NRG3: variants seen among roughly 807,000 people sequenced by gnomAD.
The protein encoded by NRG3 is neuregulin 3.
A neutral mutation model predicts 66.9 loss-of-function variants in NRG3; 31 were observed. That is an observed-to-expected ratio of 0.46 (90% CI 0.35 to 0.63). The LOEUF (loss-of-function observed/expected upper bound fraction) is 0.63. Ranked by LOEUF, NRG3 falls within the 20% of genes least tolerant of loss-of-function variation. The pLI is 0.00. For missense variants in NRG3, 910 were observed against 878.9 expected, an observed-to-expected ratio of 1.04 and a Z score of -0.45; for synonymous variants, 393 against 359.4, an observed-to-expected ratio of 1.09 and a Z score of -1.06.
At chr10:82,013,738 T>C (rs1330791331) in intron 1 of NRG3, among the ~76,000 whole-genome samples, 1 of 152,136 alleles carries the variant, frequency 6.6e-6, no homozygotes, top group Admixed American at 6.6e-5. Flanking sequence ...TCTAATTTTC[T>C]CACTCTGCTA....
chr10:82,418,442 A>C (rs1006884898), intron 2 of NRG3, among the ~76,000 whole-genome samples: 1 of 152,186 alleles, frequency 6.6e-6, no homozygotes, highest in Non-Finnish European at 1.5e-5. Context: ...ATGCAAATTA[A>C]CCAGTTTATG....
At chr10:82,977,540 T>A (rs1852408673) in intron 7 of NRG3, among the ~76,000 whole-genome samples, 1 of 141,806 alleles carries the variant, frequency 7.1e-6, no homozygotes, top group Non-Finnish European at 1.5e-5. Flanking sequence ...ACCTGGGAGG[T>A]AGAGGTTGCA....
At chr10:82,303,639 G>T (rs1448368752) in intron 1 of NRG3, among the ~76,000 whole-genome samples, 1 of 152,180 alleles carries the variant, frequency 6.6e-6, no homozygotes, top group African/African-American at 2.4e-5. Context: ...GGAGGCCGAG[G>T]TGGGTGGATC....
intron 1 of NRG3, among the ~76,000 whole-genome samples, chr10:82,218,870 G>C (rs2075808676): frequency 6.6e-6 from 1 of 152,116 alleles, no homozygotes; most frequent in Admixed American, 6.6e-5. Context: ...GTTAGACGAA[G>C]GATAGATGAG....
intron 2 of NRG3, among the ~76,000 whole-genome samples, chr10:82,364,471 A>G (rs1271821341): frequency 2.0e-5 from 3 of 152,188 alleles, no homozygotes; most frequent in South Asian, 2.1e-4. Context: ...AGAATATTCT[A>G]TGATCTTTTC....
At chr10:82,547,555 A>G (rs904219559) in intron 2 of NRG3, among the ~76,000 whole-genome samples, 26 of 151,666 alleles carry the variant, frequency 1.7e-4, no homozygotes, top group African/African-American at 5.3e-4. Flanking sequence ...ATACATGCAT[A>G]TATGTATATA....
intron 2 of NRG3, among the ~76,000 whole-genome samples, chr10:82,366,989 AG>A (rs2135699625): frequency 6.6e-6 from 1 of 152,356 alleles, no homozygotes; most frequent in South Asian, 2.1e-4. Context: ...ATGGAACCCA[AG>A]ATAAGCAAGG....
intron 3 of NRG3, among the ~76,000 whole-genome samples, chr10:82,760,296 T>C (rs1293660950): frequency 6.6e-6 from 1 of 152,044 alleles, no homozygotes. Context: ...GAATAACTCA[T>C]GATGCTAGTG....
At position 82,091,076 on chromosome 10, in the gene NRG3, T is replaced by A. The variant is rs2065998271; in HGVS notation, c.823+214913T>A. Among the ~76,000 whole-genome samples, 3 of 152,154 alleles carry A rather than the reference T, an allele frequency of 2.0e-5. No individual in the cohort carries two copies. In the South Asian group the frequency reaches 6.2e-4, roughly 32 times the overall value. ...TAAGACTAGTTTGTTTTTTTTTTAA[T>A]TTCTCCTGAGGCAAAATTTTATTTT... On this transcript the variant is annotated intron_variant, in intron 1 of 8. Coordinates refer to ENST00000372141, the MANE Select transcript of NRG3 (RefSeq NM_001010848.4).
At chr10:82,911,675 A>G (rs1845334963) in intron 4 of NRG3, among the ~76,000 whole-genome samples, 1 of 151,338 alleles carries the variant, frequency 6.6e-6, no homozygotes, top group Non-Finnish European at 1.5e-5. Context: ...AATTCTATTT[A>G]TCTTTTCAAA....
intron 1 of NRG3, among the ~76,000 whole-genome samples, chr10:82,356,540 C>A (rs1213427908): frequency 1.3e-5 from 2 of 152,138 alleles, no homozygotes; most frequent in South Asian, 2.1e-4. Flanking sequence ...AATAACAGAT[C>A]TTTTCTGTAG....
intron 1 of NRG3, among the ~76,000 whole-genome samples, chr10:82,007,956 C>T (rs546925121): frequency 6.6e-6 from 1 of 152,142 alleles, no homozygotes; most frequent in African/African-American, 2.4e-5. Context: ...CTCTCAGAAA[C>T]AACTTCTATT....
chr10:82,772,052 C>T (rs188984783), intron 3 of NRG3, among the ~76,000 whole-genome samples: 92 of 152,252 alleles, frequency 6.0e-4, no homozygotes, highest in African/African-American at 2.1e-3. Context: ...TGTCTCCCAG[C>T]CAACTTCTTT....
intron 2 of NRG3, among the ~76,000 whole-genome samples, chr10:82,709,556 A>G (rs1376748455): frequency 2.0e-5 from 3 of 151,698 alleles, no homozygotes; most frequent in African/African-American, 2.4e-5. Flanking sequence ...TGATTTTTGT[A>G]TGTTAGTAGA....
Position 82,281,901 on chromosome 10 carries a change from T to C in NRG3, c.824-76838T>C, listed in dbSNP as rs191887442. 1.8e-3 allele frequency among the ~76,000 whole-genome samples: 270 copies of C among 152,324 alleles called. 2 individuals are homozygous for C. Among genetic ancestry groups the C allele is most frequent in the African/African-American group, 5.8e-3 (240 of 41,570 alleles). On this transcript the variant is annotated intron_variant, in intron 1 of 8. Coordinates refer to ENST00000372141, the MANE Select transcript of NRG3 (RefSeq NM_001010848.4). Reference sequence around the variant, plus strand: ...ATTGAATATATTCATAGAGAAAGGATTGACAGTAGACATGGCTATTTGTTG... The same window carrying C: ...ATTGAATATATTCATAGAGAAAGGACTGACAGTAGACATGGCTATTTGTTG...
chr10:82,547,427 GTA>G (rs1168295639), intron 2 of NRG3, among the ~76,000 whole-genome samples: 1 of 149,804 alleles, frequency 6.7e-6, no homozygotes, highest in Non-Finnish European at 1.5e-5. Flanking sequence ...ACATATGTGT[GTA>G]TATATATTCC....
At chr10:82,012,606 A>G (rs1164163357) in intron 1 of NRG3, among the ~76,000 whole-genome samples, 1 of 152,148 alleles carries the variant, frequency 6.6e-6, no homozygotes, top group Non-Finnish European at 1.5e-5. Context: ...ACTCCAAACC[A>G]TATCTTTGTG....
chr10:82,701,698 C>A (rs2055895298), intron 2 of NRG3, among the ~76,000 whole-genome samples: 1 of 152,162 alleles, frequency 6.6e-6, no homozygotes, highest in Admixed American at 6.5e-5. Flanking sequence ...AATGTTATTT[C>A]TTTACATTTG....
intron 4 of NRG3, among the ~76,000 whole-genome samples, chr10:82,900,166 A>T (rs1318371013): frequency 6.6e-6 from 1 of 152,128 alleles, no homozygotes; most frequent in Non-Finnish European, 1.5e-5. Flanking sequence ...TATAGCGAGG[A>T]CATCACTGAG....
Sources: gnomAD v4.1 joint callset for allele counts (sites outside exome capture counted in the v4.1 genomes callset) on GRCh38, gnomAD v4.1.1 for gene constraint, MANE v1.5 for transcripts, NCBI Gene and HGNC (gene_info 2026-07-23, HGNC 2026-07-21) for gene names.